The following FUT8 variants were observed in gnomAD, a reference collection of about 807,000 sequenced individuals.
FUT8 encodes fucosyltransferase 8.
Under a neutral mutation model 71.3 loss-of-function variants are expected in FUT8, and 29 were observed. The ratio of observed to expected loss-of-function variants is 0.41; its 90% CI spans 0.30 to 0.55. The LOEUF (loss-of-function observed/expected upper bound fraction) is 0.55. Ranked by LOEUF, FUT8 falls within the 20% of genes least tolerant of loss-of-function variation. FUT8 has a pLI of 0.34. For missense variants in FUT8, 544 were observed against 702.1 expected, an observed-to-expected ratio of 0.77 and a Z score of 2.55; for synonymous variants, 254 against 239.3, an observed-to-expected ratio of 1.06 and a Z score of -0.57.
chr14:65,671,994 A>G (rs1186159946), intron 7 of FUT8, among the ~76,000 whole-genome samples: 2 of 152,218 alleles, frequency 1.3e-5, no homozygotes, highest in Non-Finnish European at 2.9e-5. Flanking sequence ...ATAACTTGAC[A>G]TGATGTCCTT....
At chr14:65,493,979 T>C (rs1038125909) in intron 2 of FUT8, among the ~76,000 whole-genome samples, 1 of 152,088 alleles carries the variant, frequency 6.6e-6, no homozygotes, top group African/African-American at 2.4e-5. Context: ...GCTTTGTTAG[T>C]CAGGGAGAAA....
At chr14:65,357,268 T>G in the FUT8 span, among the ~76,000 whole-genome samples, 1 of 152,222 alleles carries the variant, frequency 6.6e-6, no homozygotes, top group Non-Finnish European at 1.5e-5. Context: ...GTTACTGTTG[T>G]TGCTGTCTAC....
chr14:65,600,822 T>C (rs1888253716), intron 3 of FUT8, among the ~76,000 whole-genome samples: 1 of 152,178 alleles, frequency 6.6e-6, no homozygotes, highest in Non-Finnish European at 1.5e-5. Flanking sequence ...AACATTGAAT[T>C]ATTAATCACT....
chr14:65,424,879 T>A (rs2065359275), intron 1 of FUT8, among the ~76,000 whole-genome samples: 5 of 151,948 alleles, frequency 3.3e-5, no homozygotes. Context: ...TTGTCCAGGG[T>A]GGTTTTGAAC....
chr14:65,618,579 A>C (rs1426005355), intron 5 of FUT8, among the ~76,000 whole-genome samples: 1 of 152,216 alleles, frequency 6.6e-6, no homozygotes, highest in East Asian at 1.9e-4. Flanking sequence ...AAACACAATC[A>C]AACATTAGAG....
At chr14:65,431,151 A>G (rs1312325362) in intron 1 of FUT8, among the ~76,000 whole-genome samples, 1 of 143,902 alleles carries the variant, frequency 6.9e-6, no homozygotes, top group Non-Finnish European at 1.5e-5. Flanking sequence ...ATGCGCCACT[A>G]TACCCGGCTA....
the FUT8 span, among the ~76,000 whole-genome samples, chr14:65,393,281 C>T: frequency 6.6e-6 from 1 of 152,166 alleles, no homozygotes; most frequent in Non-Finnish European, 1.5e-5. Context: ...GAAATTTAGC[C>T]CTTTAATGCC....
At chr14:65,677,728 A>G (rs1296155034) in intron 7 of FUT8, among the ~76,000 whole-genome samples, 1 of 152,250 alleles carries the variant, frequency 6.6e-6, no homozygotes, top group East Asian at 1.9e-4. Flanking sequence ...CTAGTCATTC[A>G]GTAAAAATTT....
At chr14:65,602,360 C>G (rs963280919) in intron 3 of FUT8, among the ~76,000 whole-genome samples, 2 of 116,862 alleles carry the variant, frequency 1.7e-5, no homozygotes, top group African/African-American at 7.4e-5. Flanking sequence ...CACACACACA[C>G]ACACACACAC....
At chr14:65,499,773 G>A (rs111669424) in intron 2 of FUT8, among the ~76,000 whole-genome samples, 2 of 148,860 alleles carry the variant, frequency 1.3e-5, no homozygotes, top group African/African-American at 5.0e-5. Context: ...ATCTGTGATT[G>A]TACCATTGCA....
chr14:65,730,923 T>TTACAAATTGAGTTTATTC (rs1182530895), intron 9 of FUT8, among the ~76,000 whole-genome samples: 2 of 152,228 alleles, frequency 1.3e-5, no homozygotes, highest in African/African-American at 4.8e-5. Flanking sequence ...GGTAAAATAT[T>TTACAAATTGAGTTTATTC]TACAAATTGA....
the FUT8 span, among the ~76,000 whole-genome samples, chr14:65,382,388 G>A: frequency 6.6e-6 from 1 of 152,194 alleles, no homozygotes; most frequent in Admixed American, 6.5e-5. Flanking sequence ...CCAGGCTGGA[G>A]TGCAGTGGCG....
At position 65,537,160 on chromosome 14, in the gene FUT8, T is replaced by C. The variant is rs182180466; in HGVS notation, c.-227-24177T>C. On this transcript the variant is annotated intron_variant, in intron 2 of 10. Transcript: ENST00000673929. ...GTCTTTCAGCTCTTGTATCATTTTA[T>C]TGTGCTTCTTAGCTTGCTTAGATTG... is the stretch of plus-strand genomic sequence containing the variant. Among the ~76,000 whole-genome samples, 148 of 152,074 alleles carry C rather than the reference T, an allele frequency of 9.7e-4. 1 individual carries two copies. Among genetic ancestry groups the C allele is most frequent in the African/African-American group, 3.1e-3 (130 of 41,540 alleles).
At chr14:65,569,943 T>G (rs1475270564) in intron 3 of FUT8, among the ~76,000 whole-genome samples, 4 of 152,058 alleles carry the variant, frequency 2.6e-5, no homozygotes, top group Non-Finnish European at 5.9e-5. Flanking sequence ...TTCTAGGCTT[T>G]TTATTGACAA....
chr14:65,623,324 G>A (rs2140245842), intron 5 of FUT8, among the ~76,000 whole-genome samples: 1 of 152,164 alleles, frequency 6.6e-6, no homozygotes, highest in East Asian at 1.9e-4. Flanking sequence ...TAGAAAACTA[G>A]AGAAATTAGC....
intron 1 of FUT8, among the ~76,000 whole-genome samples, chr14:65,425,933 C>G (rs566818570): frequency 6.6e-6 from 1 of 151,320 alleles, no homozygotes; most frequent in African/African-American, 2.4e-5. Context: ...GCTGAGATCA[C>G]GCCACTGCAC....
chr14:65,641,370 G>A (rs1401172214), intron 6 of FUT8, among the ~76,000 whole-genome samples: 1 of 152,122 alleles, frequency 6.6e-6, no homozygotes, highest in Non-Finnish European at 1.5e-5. Flanking sequence ...ATTACTGACT[G>A]GTATTCTATT....
At chr14:65,465,364 G>T (rs919708096) in intron 2 of FUT8, among the ~76,000 whole-genome samples, 4 of 152,178 alleles carry the variant, frequency 2.6e-5, no homozygotes, top group African/African-American at 7.2e-5. Flanking sequence ...ATGAAATGGG[G>T]TCTCATTATG....
intron 5 of FUT8, among the ~76,000 whole-genome samples, chr14:65,624,879 A>G (rs1889813090): frequency 1.3e-5 from 2 of 152,194 alleles, no homozygotes; most frequent in Admixed American, 1.3e-4. Flanking sequence ...AGCCTGACCA[A>G]CATGGTGAAA....
Sources: allele counts gnomAD v4.1 joint callset (sites outside exome capture counted in the v4.1 genomes callset), GRCh38; gene constraint gnomAD v4.1.1; transcripts MANE v1.5; gene names NCBI Gene and HGNC (gene_info 2026-07-23, HGNC 2026-07-21).